S100A8: variants seen among roughly 807,000 people sequenced by gnomAD.
The protein encoded by S100A8 is protein S100-A8.
Under a neutral mutation model 4.2 loss-of-function variants are expected in S100A8, and 1 was observed. The ratio of observed to expected loss-of-function variants is 0.24; its 90% CI spans 0.08 to 1.12. S100A8 has a LOEUF of 1.12. Ranked by LOEUF, S100A8 falls within the 50% of genes most tolerant of loss-of-function variation. The probability of loss-of-function intolerance (pLI) is 0.53; values close to 1 mark genes in which losing one functional copy is unlikely to be tolerated. For missense variants in S100A8, 96 were observed against 111.8 expected, an observed-to-expected ratio of 0.86 and a Z score of 0.64; for synonymous variants, 41 against 44.7, an observed-to-expected ratio of 0.92 and a Z score of 0.33.
chr1:153,392,645 G>A (rs545967529), upstream of S100A8, among the ~76,000 whole-genome samples: 16 of 152,226 alleles, frequency 1.1e-4, no homozygotes, highest in East Asian at 1.7e-3. Flanking sequence ...TGTTGTTGCC[G>A]AGGGCTAAAT....
chr1:153,404,355 C>T, the S100A8 span, among the ~76,000 whole-genome samples: 31 of 152,324 alleles, frequency 2.0e-4, no homozygotes, highest in African/African-American at 7.5e-4. Context: ...CTCCAGCCCT[C>T]TAATCACATG....
At position 153,391,015 on chromosome 1, in the gene S100A8, G is replaced by A. The variant is rs1662083603; in HGVS notation, c.-23+26C>T. Reference sequence around the variant, plus strand: ...CTCCCCAAGAGAAGCCCAAAGTGCGGGGCCAACCCAGACAGTCCCACTTAC... The same window carrying A: ...CTCCCCAAGAGAAGCCCAAAGTGCGAGGCCAACCCAGACAGTCCCACTTAC... On this transcript the variant is annotated intron_variant, in intron 1 of 2. Transcript: ENST00000368733. 8 of 989,320 alleles carry A rather than the reference G, an allele frequency of 8.1e-6. No homozygotes were observed. The South Asian group carries it at 3.6e-4, about 45-fold the overall frequency. 61.3% of individuals were successfully genotyped at this position (989,320 alleles called of 1,614,324 possible). A position where few individuals can be genotyped will look rare whatever the true frequency, so the allele number is the denominator to read the frequency against.
intron 1 of S100A8, chr1:153,390,795 T>G (rs1662075797): frequency 1.8e-6 from 1 of 564,310 alleles, no homozygotes; most frequent in Middle Eastern, 4.9e-4. Flanking sequence ...GCCCGTAGAC[T>G]TTCCTTACCA....
chr1:153,391,926 C>T (rs758147605), upstream of S100A8, among the ~76,000 whole-genome samples: 29 of 152,024 alleles, frequency 1.9e-4, no homozygotes, highest in Non-Finnish European at 3.1e-4. Flanking sequence ...AGAAGCCAGA[C>T]GCGCTTCATG....
the S100A8 span, among the ~76,000 whole-genome samples, chr1:153,405,750 A>C: frequency 3.3e-5 from 5 of 150,820 alleles, no homozygotes; most frequent in Non-Finnish European, 7.4e-5. Flanking sequence ...TAAAACCTGC[A>C]TTTCCATAGA....
At chr1:153,398,486 G>T in the S100A8 span, among the ~76,000 whole-genome samples, 1 of 152,104 alleles carries the variant, frequency 6.6e-6, no homozygotes, top group Admixed American at 6.5e-5. Flanking sequence ...CTCTCCAGAG[G>T]GAGTCCCCAT....
At chr1:153,419,076 C>T in the S100A8 span, 7 of 1,545,964 alleles carry the variant, frequency 4.5e-6, no homozygotes, top group South Asian at 1.2e-5. Flanking sequence ...CTGCCTCCTC[C>T]TCTCCCCTCC....
upstream of S100A8, among the ~76,000 whole-genome samples, chr1:153,391,535 T>C (rs1662097660): frequency 6.6e-6 from 1 of 152,134 alleles, no homozygotes. Context: ...CGCAAAAGGG[T>C]TGAGAACACG....
the S100A8 span, among the ~76,000 whole-genome samples, chr1:153,411,603 C>T: frequency 6.6e-6 from 1 of 152,222 alleles, no homozygotes; most frequent in East Asian, 1.9e-4. Flanking sequence ...CTACCAATGA[C>T]TTTCTTCACA....
the S100A8 span, among the ~76,000 whole-genome samples, chr1:153,406,990 T>G: frequency 6.6e-6 from 1 of 152,260 alleles, no homozygotes; most frequent in South Asian, 2.1e-4. Context: ...TTGATATTTT[T>G]GGAGAGGTTC....
the S100A8 span, among the ~76,000 whole-genome samples, chr1:153,399,932 A>T: frequency 6.6e-6 from 1 of 152,320 alleles, no homozygotes; most frequent in South Asian, 2.1e-4. Context: ...CACAATGAGA[A>T]GTTAGAAGAA....
chr1:153,400,864 A>G, the S100A8 span, among the ~76,000 whole-genome samples: 1 of 152,248 alleles, frequency 6.6e-6, no homozygotes, highest in African/African-American at 2.4e-5. Context: ...AACAAAAATA[A>G]AAGCAAAACC....
At chr1:153,422,543 T>G in the S100A8 span, 91 of 985,204 alleles carry the variant, frequency 9.2e-5, no homozygotes, top group Non-Finnish European at 1.1e-4. Flanking sequence ...AAAGAGATTC[T>G]GGAAATCCAA....
the S100A8 span, among the ~76,000 whole-genome samples, chr1:153,415,812 A>G: frequency 6.6e-6 from 1 of 152,246 alleles, no homozygotes; most frequent in African/African-American, 2.4e-5. Flanking sequence ...GGGCTGACCA[A>G]TGGTTAGCAA....
chr1:153,391,473 A>G (rs1055389281), upstream of S100A8, among the ~76,000 whole-genome samples: 5 of 152,190 alleles, frequency 3.3e-5, no homozygotes. Flanking sequence ...GCATGCACTC[A>G]GTGAGAACAT....
the S100A8 span, chr1:153,418,224 G>A: frequency 3.1e-6 from 5 of 1,613,856 alleles, no homozygotes; most frequent in South Asian, 4.4e-5. Flanking sequence ...CAGTGCCTGT[G>A]TGAGTTGGGG....
At chr1:153,407,937 A>G in the S100A8 span, among the ~76,000 whole-genome samples, 1 of 152,232 alleles carries the variant, frequency 6.6e-6, no homozygotes, top group African/African-American at 2.4e-5. Flanking sequence ...TAACAAACAG[A>G]AAGGACATCC....
chr1:153,405,330 G>A, the S100A8 span, among the ~76,000 whole-genome samples: 15,957 of 148,500 alleles, frequency 0.11, 429 homozygotes, highest in Middle Eastern at 0.13. Flanking sequence ...CATTCGACAG[G>A]ATGGTGGGTG....
At chr1:153,400,574 C>A in the S100A8 span, among the ~76,000 whole-genome samples, 5 of 152,292 alleles carry the variant, frequency 3.3e-5, no homozygotes, top group East Asian at 9.7e-4. Flanking sequence ...TAGGTAGATA[C>A]CGAAGCCAAC....
Sources: allele counts gnomAD v4.1 joint callset (sites outside exome capture counted in the v4.1 genomes callset), GRCh38; gene constraint gnomAD v4.1.1; transcripts MANE v1.5; gene names NCBI Gene and HGNC (gene_info 2026-07-23, HGNC 2026-07-21).